Variants in CLVS1 observed in about 807,000 individuals in gnomAD.
CLVS1 encodes the protein clavesin-1.
CLVS1 carries 10 observed loss-of-function variants against 33.1 expected under a neutral mutation model. The ratio of observed to expected loss-of-function variants is 0.30; its 90% CI spans 0.19 to 0.51. CLVS1 has a LOEUF of 0.51. Among genes scored for constraint, CLVS1 ranks in the 20% least tolerant of loss-of-function variants. The pLI, the probability that CLVS1 is intolerant of heterozygous loss-of-function variation, is 0.97. For missense variants in CLVS1, 343 were observed against 433.4 expected, an observed-to-expected ratio of 0.79 and a Z score of 1.85; for synonymous variants, 163 against 166.1, an observed-to-expected ratio of 0.98 and a Z score of 0.14.
intron 2 of CLVS1, among the ~76,000 whole-genome samples, chr8:61,261,223 T>A (rs1344675423): frequency 6.6e-6 from 1 of 152,170 alleles, no homozygotes; most frequent in Non-Finnish European, 1.5e-5. Flanking sequence ...CCCCATCCCT[T>A]TACCTTGCTG....
intron 2 of CLVS1, among the ~76,000 whole-genome samples, chr8:61,226,825 G>A (rs1808340238): frequency 6.6e-6 from 1 of 152,136 alleles, no homozygotes; most frequent in South Asian, 2.1e-4. Flanking sequence ...CCCATCCAGC[G>A]AGGACATCGG....
intron 1 of CLVS1, among the ~76,000 whole-genome samples, chr8:61,072,247 G>C (rs1193964371): frequency 6.6e-6 from 1 of 152,142 alleles, no homozygotes; most frequent in East Asian, 1.9e-4. Flanking sequence ...TCTGTCCTCT[G>C]TCCACTTCCC....
intron 5 of CLVS1, among the ~76,000 whole-genome samples, chr8:61,494,788 T>G (rs769659083): frequency 7.2e-5 from 11 of 152,214 alleles, no homozygotes; most frequent in Non-Finnish European, 1.2e-4. Context: ...AAGCAACATT[T>G]ACTTTCTAAT....
chr8:61,151,130 T>C (rs1366702120), intron 2 of CLVS1, among the ~76,000 whole-genome samples: 1 of 152,150 alleles, frequency 6.6e-6, no homozygotes, highest in Non-Finnish European at 1.5e-5. Context: ...TATCTACTTA[T>C]AGGCAACAGA....
intron 2 of CLVS1, among the ~76,000 whole-genome samples, chr8:61,215,682 A>ATGTGTGTGTG (rs72193127): frequency 0.017 from 2,492 of 143,736 alleles, 47 homozygotes; most frequent in South Asian, 0.04. Context: ...GAAATTGAAA[A>ATGTGTGTGTG]TGTGTGTGTG....
intron 2 of CLVS1, among the ~76,000 whole-genome samples, chr8:61,223,399 C>G (rs879808340): frequency 1.8e-4 from 27 of 152,116 alleles, no homozygotes; most frequent in Non-Finnish European, 3.7e-4. Flanking sequence ...TCAGCATTTG[C>G]TTGTCTGGAA....
intron 2 of CLVS1, among the ~76,000 whole-genome samples, chr8:61,176,678 T>C (rs1321576111): frequency 1.3e-5 from 2 of 151,844 alleles, no homozygotes; most frequent in African/African-American, 4.8e-5. Flanking sequence ...GCATGACCCA[T>C]GGAGAGGAAG....
chr8:61,373,068 AG>A (rs1813502896), intron 2 of CLVS1, among the ~76,000 whole-genome samples: 1 of 152,172 alleles, frequency 6.6e-6, no homozygotes, highest in Non-Finnish European at 1.5e-5. Context: ...TTGAGGGTGG[AG>A]TATCTACATA....
chr8:61,221,173 A>G (rs1267924258), intron 2 of CLVS1, among the ~76,000 whole-genome samples: 1 of 152,070 alleles, frequency 6.6e-6, no homozygotes, highest in African/African-American at 2.4e-5. Context: ...AGTATGCTTT[A>G]TTTCTCTTTC....
At chr8:61,073,165 A>G (rs977000828) in intron 1 of CLVS1, among the ~76,000 whole-genome samples, 2 of 152,238 alleles carry the variant, frequency 1.3e-5, no homozygotes, top group African/African-American at 4.8e-5. Flanking sequence ...AAGTTTAGGA[A>G]GAATCAGATA....
intron 1 of CLVS1, among the ~76,000 whole-genome samples, chr8:61,077,604 T>A (rs969847270): frequency 4.6e-5 from 7 of 152,014 alleles, no homozygotes; most frequent in African/African-American, 1.7e-4. Flanking sequence ...GCCTCCCAAG[T>A]AGCTGGGATT....
chr8:61,285,490 T>G (rs1362936388), upstream of CLVS1, among the ~76,000 whole-genome samples: 1 of 152,224 alleles, frequency 6.6e-6, no homozygotes, highest in Non-Finnish European at 1.5e-5. Context: ...CATATTTGTT[T>G]ACCAGGATTC....
rs1585619129 is a variant in CLVS1, at chr8:61,113,525, G to A, written c.-242-18245G>A. 3.3e-5 allele frequency among the ~76,000 whole-genome samples: 5 copies of A among 152,286 alleles called. No individual in the cohort carries two copies. The South Asian group carries it at 1.0e-3, about 32-fold the overall frequency. On this transcript the variant is annotated intron_variant, in intron 1 of 2. Transcript: ENST00000522621. Reference sequence around the variant, plus strand: ...TTGGTAATACATCTGCAGGAAGCTGGCTTCTTGTTGCATTATCCAGGAAGT... The same window carrying A: ...TTGGTAATACATCTGCAGGAAGCTGACTTCTTGTTGCATTATCCAGGAAGT...
the CLVS1 span, among the ~76,000 whole-genome samples, chr8:60,995,286 A>T: frequency 1.7e-4 from 26 of 152,004 alleles, no homozygotes; most frequent in African/African-American, 6.3e-4. Context: ...AATATCCAGA[A>T]TCTACAATGA....
chr8:61,009,415 T>G, the CLVS1 span, among the ~76,000 whole-genome samples: 1 of 152,240 alleles, frequency 6.6e-6, no homozygotes, highest in South Asian at 2.1e-4. Context: ...CGCCAAGTGC[T>G]GGGATTACAG....
At chr8:61,288,981 T>C (rs530720713) in intron 1 of CLVS1, among the ~76,000 whole-genome samples, 34 of 152,378 alleles carry the variant, frequency 2.2e-4, no homozygotes, top group African/African-American at 7.9e-4. Context: ...CTCATTCGAA[T>C]GAACTATTTG....
upstream of CLVS1, among the ~76,000 whole-genome samples, chr8:61,052,200 T>C (rs967092738): frequency 6.6e-6 from 1 of 152,192 alleles, no homozygotes; most frequent in African/African-American, 2.4e-5. Context: ...GGTTATAGCA[T>C]TGAACACATA....
chr8:61,055,789 G>T (rs2129276822), upstream of CLVS1, among the ~76,000 whole-genome samples: 1 of 152,338 alleles, frequency 6.6e-6, no homozygotes, highest in South Asian at 2.1e-4. Context: ...CAATAGAAAA[G>T]TCCTCACATC....
At chr8:61,295,069 G>T (rs1328136545) in intron 1 of CLVS1, among the ~76,000 whole-genome samples, 1 of 152,014 alleles carries the variant, frequency 6.6e-6, no homozygotes, top group Non-Finnish European at 1.5e-5. Flanking sequence ...TAATTTTCTG[G>T]CTCACTGGAA....
Sources: gnomAD v4.1 joint callset for allele counts (sites outside exome capture counted in the v4.1 genomes callset) on GRCh38, gnomAD v4.1.1 for gene constraint, MANE v1.5 for transcripts, NCBI Gene and HGNC (gene_info 2026-07-23, HGNC 2026-07-21) for gene names.